Variants in CACNA2D2 observed in about 807,000 individuals in gnomAD.
The protein encoded by CACNA2D2 is voltage-dependent calcium channel subunit alpha-2/delta-2.
Under a neutral mutation model 166.4 loss-of-function variants are expected in CACNA2D2, and 48 were observed. The ratio of observed to expected loss-of-function variants is 0.29; its 90% CI spans 0.23 to 0.37. The LOEUF (loss-of-function observed/expected upper bound fraction) is 0.37. Ranked by LOEUF, CACNA2D2 falls within the 10% of genes least tolerant of loss-of-function variation. The probability of loss-of-function intolerance (pLI) is 1.00; values close to 1 mark genes in which losing one functional copy is unlikely to be tolerated. For synonymous variants in CACNA2D2, 561 were observed against 573.7 expected (o/e 0.98, Z 0.32); for missense variants, 1,122 against 1,433.0 (o/e 0.78, Z 3.50).
chr3:50,416,535 CCT>C (rs1158144803), intron 3 of CACNA2D2, among the ~76,000 whole-genome samples: 17 of 152,306 alleles, frequency 1.1e-4, no homozygotes, highest in African/African-American at 3.8e-4. Context: ...AGGGTGCCCC[CCT>C]GAGGGGAGGG....
At chr3:50,470,055 C>G (rs1472788991) in intron 2 of CACNA2D2, among the ~76,000 whole-genome samples, 1 of 152,206 alleles carries the variant, frequency 6.6e-6, no homozygotes, top group Non-Finnish European at 1.5e-5. Flanking sequence ...CCACAGAAAC[C>G]TGGGGGGCAA....
chr3:50,497,985 G>A (rs753528115), intron 1 of CACNA2D2, among the ~76,000 whole-genome samples: 2 of 152,202 alleles, frequency 1.3e-5, no homozygotes, highest in Non-Finnish European at 2.9e-5. Flanking sequence ...GAGGGCTGTA[G>A]CCAGCAATGG....
chr3:50,374,639 G>T, intron 22 of CACNA2D2, 98 bp downstream of exon 22: 1 of 1,385,074 alleles, frequency 7.2e-7, no homozygotes, highest in Non-Finnish European at 9.9e-7. Flanking sequence ...AGGAGGGACT[G>T]CCTCGCCGGC....
At position 50,362,912 on chromosome 3, in the gene CACNA2D2, T is replaced by C. The variant is rs144511449; in HGVS notation, c.*1754A>G. ...ATTTTACAAAGTTTCTTGACTTTTT[T>C]GTCGCTGTTGTTTTTCCAACTTGTC... is the stretch of plus-strand genomic sequence containing the variant. On this transcript the variant is annotated 3_prime_UTR_variant, in exon 38 of 38. Transcript: ENST00000424201. 394 of 394,088 alleles carry C rather than the reference T, an allele frequency of 1.0e-3. 6 individuals are homozygous for C. The East Asian group carries it at 0.014, about 14-fold the overall frequency. The allele number at this position is 394,088 out of a possible 1,614,324, so 24.4% of individuals were successfully genotyped here.
intron 2 of CACNA2D2, among the ~76,000 whole-genome samples, chr3:50,472,649 C>G (rs1377551471): frequency 6.6e-6 from 1 of 152,184 alleles, no homozygotes; most frequent in Non-Finnish European, 1.5e-5. Context: ...AGGTTCCCAG[C>G]ATTGCTCCCC....
rs752989113 is a variant in CACNA2D2, at chr3:50,434,395, T to C, written c.323A>G (p.Gln108Arg). 6 of 1,614,050 alleles carry C rather than the reference T, an allele frequency of 3.7e-6. No homozygotes were observed. The highest frequency in any genetic ancestry group is 5.1e-6 in the Non-Finnish European group (6 of 1,180,010). Residue 108 changes from glutamine to arginine, a missense_variant, in exon 3 of 38, where the codon CAG becomes CGG. This residue lies in a region of CACNA2D2 where 840 missense variants were observed against 1,166.8 expected (regional missense o/e 0.72). Coordinates refer to ENST00000424201, the MANE Select transcript of CACNA2D2 (RefSeq NM_006030.4). The part of the protein sequence containing the change: ...YKDNRNLFEV[Q>R]ENEPQKLVEK... ...CACCAACTTCTGAGGCTCATTCTCC[T>C]GTACCTCGAACAGGTTCCGGTTGTC...
At chr3:50,442,498 T>C (rs1708644773) in intron 2 of CACNA2D2, among the ~76,000 whole-genome samples, 1 of 152,080 alleles carries the variant, frequency 6.6e-6, no homozygotes, top group Non-Finnish European at 1.5e-5. Flanking sequence ...GGTGGTGCAA[T>C]ACCACGGAGA....
intron 3 of CACNA2D2, among the ~76,000 whole-genome samples, chr3:50,411,217 C>A (rs552301342): frequency 6.6e-6 from 1 of 152,304 alleles, no homozygotes; most frequent in South Asian, 2.1e-4. Flanking sequence ...TCAATTTGTT[C>A]ATTGCTTCAC....
rs1248789936 is a variant in CACNA2D2 at position 50,364,604 on chromosome 3, G to C, written c.*62C>G. On this transcript the variant is annotated 3_prime_UTR_variant, in exon 38 of 38. Coordinates refer to ENST00000424201, the MANE Select transcript of CACNA2D2 (RefSeq NM_006030.4). ...CTCTAAGGCGGGGAGTGTGGGGCAG[G>C]AGGGTGGGAAAGGCGAAGAGGCCGG... 1 of 1,448,926 alleles carries C rather than the reference G, an allele frequency of 6.9e-7. No homozygotes were observed. The highest frequency in any genetic ancestry group is 2.5e-5 in the East Asian group (1 of 40,192). 89.8% of individuals were successfully genotyped at this position (1,448,926 alleles called of 1,614,324 possible).
chr3:50,398,258 C>G (rs1706260377), intron 3 of CACNA2D2, among the ~76,000 whole-genome samples: 1 of 152,100 alleles, frequency 6.6e-6, no homozygotes, highest in Non-Finnish European at 1.5e-5. Flanking sequence ...GCTCTGGGCT[C>G]TGCTCCTGGA....
chr3:50,464,082 ACCCAGGCCTTGACCAGG>A lies in CACNA2D2; in HGVS notation c.288+12019_288+12035del, dbSNP rs571122052. On this transcript the variant is annotated intron_variant, in intron 2 of 37. Transcript: ENST00000424201. ...GTACCCTGGGAGAACTCCCTCCATCACCCAGGCCTTGACCAGGCCCAGGCCATGGCTCATTGAGACTG... is the reference window on the plus strand; with the variant it reads ...GTACCCTGGGAGAACTCCCTCCATCACCCAGGCCATGGCTCATTGAGACTG... Among the ~76,000 whole-genome samples, 7 of 152,208 alleles carry A rather than the reference ACCCAGGCCTTGACCAGG, an allele frequency of 4.6e-5. No individual in the cohort carries two copies. The South Asian group carries it at 1.0e-3, about 23-fold the overall frequency.
intron 2 of CACNA2D2, among the ~76,000 whole-genome samples, chr3:50,440,270 G>A (rs1482643365): frequency 6.6e-6 from 1 of 152,274 alleles, no homozygotes; most frequent in Non-Finnish European, 1.5e-5. Flanking sequence ...AGGGCTTACA[G>A]TAGGGCAAGG....
chr3:50,366,569 C>T lies in CACNA2D2; in HGVS notation c.2637+9G>A, dbSNP rs1704305688. 6.2e-7 allele frequency: 1 copy of T among 1,613,770 alleles called. No individual in the cohort carries two copies. Among genetic ancestry groups the T allele is most frequent in the East Asian group, 2.2e-5 (1 of 44,886 alleles). On this transcript the variant is annotated intron_variant, in intron 30 of 37. Coordinates refer to ENST00000424201, the MANE Select transcript of CACNA2D2 (RefSeq NM_006030.4). The surrounding 1 kb of genome is among the most constrained non-coding windows in gnomAD (Gnocchi z 5.9). ...GCTAGGGTCCAGGGTAGGTTCAGGG[C>T]ACACACACCTCATTGTTAACCTCGC...
At chr3:50,422,580 T>C (rs992604940) in intron 3 of CACNA2D2, among the ~76,000 whole-genome samples, 2 of 152,126 alleles carry the variant, frequency 1.3e-5, no homozygotes, top group Non-Finnish European at 2.9e-5. Flanking sequence ...ACCCCTTCTT[T>C]CAATAGCGAT....
intron 3 of CACNA2D2, among the ~76,000 whole-genome samples, chr3:50,412,588 G>GTT (rs1478689499): frequency 3.3e-5 from 4 of 122,594 alleles, no homozygotes; most frequent in African/African-American, 1.2e-4. Context: ...CATTGGCCAT[G>GTT]TTTTTCTTTT....
intron 1 of CACNA2D2, among the ~76,000 whole-genome samples, chr3:50,483,431 G>T (rs1698141428): frequency 6.6e-6 from 1 of 152,224 alleles, no homozygotes; most frequent in Non-Finnish European, 1.5e-5. Context: ...CCTTCATGAG[G>T]TTATTAATTA....
chr3:50,391,479 C>A (rs1354470112), intron 4 of CACNA2D2, among the ~76,000 whole-genome samples: 1 of 152,246 alleles, frequency 6.6e-6, no homozygotes, highest in African/African-American at 2.4e-5. Context: ...CACCAGGGCA[C>A]CTGCTGCCCA....
chr3:50,469,198 C>T (rs1709959750), intron 2 of CACNA2D2, among the ~76,000 whole-genome samples: 1 of 152,120 alleles, frequency 6.6e-6, no homozygotes, highest in Non-Finnish European at 1.5e-5. Flanking sequence ...ATTGGAGAAA[C>T]TGACTCACAG....
In CACNA2D2 at chr3:50,376,366, C is replaced by T. The variant is rs767808996; in HGVS notation, c.1627-178G>A. On this transcript the variant is annotated intron_variant, in intron 17 of 37. Transcript: ENST00000424201. This position sits in a 1 kb window ranked among gnomAD's most constrained non-coding sequence, Gnocchi z 4.3. ...CTGTCTCTCCAGCCAGGCCCGCAGG[C>T]GGGTTGCCCCTTGTGCACCAGCCCT... Among the ~76,000 whole-genome samples the T allele has an allele frequency of 2.0e-5, 3 of 152,166 alleles. No homozygotes were observed. The highest frequency in any genetic ancestry group is 6.5e-5 in the Admixed American group (1 of 15,294).
Sources: gnomAD v4.1 joint callset for allele counts (sites outside exome capture counted in the v4.1 genomes callset) on GRCh38, gnomAD v4.1.1 for gene constraint, gnomAD v4.1.1 regional missense constraint, Gnocchi (gnomAD v3.1) non-coding constraint, MANE v1.5 for transcripts, NCBI Gene and HGNC (gene_info 2026-07-23, HGNC 2026-07-21) for gene names.